TTLL1: variants seen among roughly 807,000 people sequenced by gnomAD.
The protein encoded by TTLL1 is TTL family tubulin polyglutamylase complex subunit L1, also known as polyglutamylase complex subunit TTLL1.
Under a neutral mutation model 47.8 loss-of-function variants are expected in TTLL1, and 33 were observed. The observed-to-expected ratio is 0.69, with a 90% CI of 0.52 to 0.92. The LOEUF is 0.92. Ranked by LOEUF, TTLL1 falls within the 40% of genes least tolerant of loss-of-function variation. The probability of loss-of-function intolerance (pLI) is 0.00; values close to 1 mark genes in which losing one functional copy is unlikely to be tolerated. For missense variants in TTLL1, 488 were observed against 547.5 expected, an observed-to-expected ratio of 0.89 and a Z score of 1.08; for synonymous variants, 225 against 214.1, an observed-to-expected ratio of 1.05 and a Z score of -0.45.
At chr22:43,084,962 CTTTT>C (rs148980685) in intron 1 of TTLL1, among the ~76,000 whole-genome samples, 3 of 112,748 alleles carry the variant, frequency 2.7e-5, no homozygotes, top group South Asian at 3.3e-4. Flanking sequence ...AAGCTGCCAC[CTTTT>C]TTTTTTTTTT....
At chr22:43,070,618 A>T (rs1239525670) in intron 3 of TTLL1, among the ~76,000 whole-genome samples, 1 of 152,010 alleles carries the variant, frequency 6.6e-6, no homozygotes, top group Non-Finnish European at 1.5e-5. Flanking sequence ...GAATAAAGGG[A>T]ATCTTTTTTG....
At chr22:43,048,723 A>C (rs1015710473) in intron 9 of TTLL1, among the ~76,000 whole-genome samples, 1 of 151,914 alleles carries the variant, frequency 6.6e-6, no homozygotes. Context: ...GGATCACTTG[A>C]GGTCCGGGTT....
chr22:43,056,098 C>T (rs1276841982), intron 8 of TTLL1, among the ~76,000 whole-genome samples: 2 of 151,870 alleles, frequency 1.3e-5, no homozygotes, highest in Non-Finnish European at 1.5e-5. Flanking sequence ...ACAGTGGCTC[C>T]TGCCTGTAAT....
At chr22:43,054,463 T>C (rs1926861418) in intron 8 of TTLL1, among the ~76,000 whole-genome samples, 1 of 151,642 alleles carries the variant, frequency 6.6e-6, no homozygotes, top group Non-Finnish European at 1.5e-5. Flanking sequence ...TTGCTCTTGT[T>C]GCCCAGGCTG....
chr22:43,071,933 C>T (rs772591004), intron 3 of TTLL1, among the ~76,000 whole-genome samples: 5 of 152,188 alleles, frequency 3.3e-5, no homozygotes, highest in Non-Finnish European at 7.3e-5. Context: ...TACCTGTGGC[C>T]GCTGTGGCAC....
chr22:43,063,712 C>G (rs915973375), intron 7 of TTLL1, 101 bp downstream of exon 7: 1 of 1,061,978 alleles, frequency 9.4e-7, no homozygotes, highest in Non-Finnish European at 1.4e-6. Context: ...GTGATCCACC[C>G]GCCTCAGCCT....
intron 3 of TTLL1, chr22:43,070,272 A>G: frequency 8.5e-7 from 1 of 1,175,052 alleles, no homozygotes; most frequent in Non-Finnish European, 1.1e-6. Context: ...GGGGTTATTT[A>G]AGGGCCCTGA....
At chr22:43,047,851 G>A (rs887015600) in intron 9 of TTLL1, among the ~76,000 whole-genome samples, 6 of 152,116 alleles carry the variant, frequency 3.9e-5, no homozygotes, top group Non-Finnish European at 5.9e-5. Flanking sequence ...ATTAGAGGGA[G>A]CAAATTTGTA....
Position 43,048,471 on chromosome 22 carries a change from C to A in TTLL1, c.979-1898G>T, listed in dbSNP as rs1253774803. Among the ~76,000 whole-genome samples, 283 of 50,178 alleles carry A rather than the reference C, an allele frequency of 5.6e-3. 2 individuals are homozygous for A. The highest frequency in any genetic ancestry group is 0.026 in the Middle Eastern group (2 of 78). 32.9% of individuals were successfully genotyped at this position (50,178 alleles called of 152,430 possible). On this transcript the variant is annotated intron_variant, in intron 9 of 10. Coordinates refer to ENST00000266254, the MANE Select transcript of TTLL1 (RefSeq NM_012263.5). ...GCAACACAGCGAGACCCCATCTCTA[C>A]CAAAAAAAAAAAAAAAAATTATCTG...
Position 43,068,591 on chromosome 22 carries a change from C to T in TTLL1, c.323-1G>A. On this transcript the variant is annotated splice_acceptor_variant, in intron 4 of 10. Coordinates refer to ENST00000266254, the MANE Select transcript of TTLL1 (RefSeq NM_012263.5). LOFTEE classifies it high-confidence loss of function. ...AGCATATAGGTGACTGGAACAAAGT[C>T]TGCAAGGCAAAGACACCCAGCACTG... is the stretch of plus-strand genomic sequence containing the variant. The T allele has an allele frequency of 6.8e-7, 1 of 1,477,576 alleles. No individual in the cohort carries two copies. Among genetic ancestry groups the T allele is most frequent in the Non-Finnish European group, 9.1e-7 (1 of 1,095,296 alleles). 91.5% of individuals were successfully genotyped at this position (1,477,576 alleles called of 1,614,324 possible). A position where few individuals can be genotyped will look rare whatever the true frequency, so the allele number is the denominator to read the frequency against.
At position 43,086,308 on chromosome 22, in the gene TTLL1, G is replaced by C. The variant is rs116632022; in HGVS notation, c.-90+2969C>G. On this transcript the variant is annotated intron_variant, in intron 1 of 10. Coordinates refer to ENST00000266254, the MANE Select transcript of TTLL1 (RefSeq NM_012263.5). ...TTATGTTGAATGCAGCTCACAATTG[G>C]AGTTGGGGCTGTCACCACCTGAAGT... is the stretch of plus-strand genomic sequence containing the variant. Among the ~76,000 whole-genome samples, 745 of 152,280 alleles carry C rather than the reference G, an allele frequency of 4.9e-3. 10 individuals are homozygous for C. Among genetic ancestry groups the C allele is most frequent in the African/African-American group, 0.017 (706 of 41,554 alleles).
chr22:43,058,534 G>A (rs756900699), intron 8 of TTLL1, among the ~76,000 whole-genome samples: 1 of 152,236 alleles, frequency 6.6e-6, no homozygotes, highest in Non-Finnish European at 1.5e-5. Context: ...GTGGGTATAA[G>A]AGGAGTGGAG....
chr22:43,077,904 T>C (rs1928616073), intron 2 of TTLL1, among the ~76,000 whole-genome samples: 1 of 151,906 alleles, frequency 6.6e-6, no homozygotes, highest in Non-Finnish European at 1.5e-5. Context: ...CCCAAGAGTT[T>C]GAGACCAGCC....
At chr22:43,058,625 C>T (rs901442790) in intron 8 of TTLL1, among the ~76,000 whole-genome samples, 3 of 152,250 alleles carry the variant, frequency 2.0e-5, no homozygotes, top group African/African-American at 7.2e-5. Flanking sequence ...AGCCCCTTTC[C>T]CTTTCCGAAA....
rs144960440 is a variant in TTLL1 at position 43,064,213 on chromosome 22, C to A, written c.615G>T (p.Thr205=). 2.5e-6 allele frequency: 4 copies of A among 1,613,868 alleles called. No homozygotes were observed. The highest frequency in any genetic ancestry group is 3.4e-6 in the Non-Finnish European group (4 of 1,180,008). The change falls in exon 6 of 11, where the codon ACG becomes ACT. Residue 205 remains threonine (T), a synonymous_variant. Coordinates refer to ENST00000266254, the MANE Select transcript of TTLL1 (RefSeq NM_012263.5). The part of the protein sequence containing the change: ...FDLRLYVLVS[T]YRPLRCYMYK... ...ACATGTAACAGCGCAGTGGACGGTA[C>A]GTGGACACCAGAACGTACAAGCGCA...
intron 5 of TTLL1, among the ~76,000 whole-genome samples, chr22:43,067,692 C>A (rs754893539): frequency 1.3e-5 from 2 of 152,054 alleles, no homozygotes; most frequent in Non-Finnish European, 2.9e-5. Context: ...CAGAACAGGC[C>A]AGGAACAGTG....
Position 43,068,312 on chromosome 22 carries a change from G to A in TTLL1, c.503+98C>T, listed in dbSNP as rs969073040. The A allele has an allele frequency of 2.6e-6, 3 of 1,137,660 alleles. No individual in the cohort carries two copies. In the African/African-American group the frequency reaches 4.7e-5, roughly 18 times the overall value. 70.5% of individuals were successfully genotyped at this position (1,137,660 alleles called of 1,614,324 possible). On this transcript the variant is annotated intron_variant, in intron 5 of 10. Transcript: ENST00000266254. Reference sequence around the variant, plus strand: ...TGCCTGGGCGACAGAGTGAGACTCTGTCAAAAAAAAACCAAACAAAAACCC... The same window carrying A: ...TGCCTGGGCGACAGAGTGAGACTCTATCAAAAAAAAACCAAACAAAAACCC...
At chr22:43,068,274 G>A in intron 5 of TTLL1, 136 bp downstream of exon 5, 1 of 670,830 alleles carries the variant, frequency 1.5e-6, no homozygotes, top group Non-Finnish European at 2.3e-6. Context: ...CTGAGATTGT[G>A]CCACTGTAAT....
At chr22:43,051,986 TC>T in intron 8 of TTLL1, 99 bp from the exon 9 acceptor site, 1 of 1,089,958 alleles carries the variant, frequency 9.2e-7, no homozygotes. Flanking sequence ...CGTCCCGACC[TC>T]CCACAGCACA....
Sources: gnomAD v4.1 joint callset for allele counts (sites outside exome capture counted in the v4.1 genomes callset) on GRCh38, gnomAD v4.1.1 for gene constraint, MANE v1.5 for transcripts, NCBI Gene and HGNC (gene_info 2026-07-23, HGNC 2026-07-21) for gene names.